Variants in TMSB10 observed in about 807,000 individuals in gnomAD.
TMSB10 encodes thymosin beta 10.
Under a neutral mutation model 4.5 loss-of-function variants are expected in TMSB10, and 4 were observed. The observed-to-expected ratio is 0.89, with a 90% confidence interval of 0.44 to 2.03. TMSB10 has a LOEUF of 2.03. TMSB10 is among the 30% of genes most tolerant of loss of function. The pLI is 0.03. For missense variants in TMSB10, 44 were observed against 53.9 expected (o/e 0.82, Z 0.57); for synonymous variants, 17 against 20.3 (o/e 0.84, Z 0.44).
chr2:84,905,912 C>A, intron 1 of TMSB10, 91 bp from the exon 2 acceptor site: 3 of 1,080,258 alleles, frequency 2.8e-6, no homozygotes, highest in East Asian at 2.5e-5. Context: ...CACGCCTTGG[C>A]GCGAGTGCCA....
chr2:84,906,576 C>G lies in TMSB10; in HGVS notation c.*153C>G. 1 of 703,430 alleles carries G rather than the reference C, an allele frequency of 1.4e-6. No homozygotes were observed. The highest frequency in any genetic ancestry group is 2.1e-6 in the Non-Finnish European group (1 of 479,340). 43.6% of individuals were successfully genotyped at this position (703,430 alleles called of 1,614,324 possible). On this transcript the variant is annotated 3_prime_UTR_variant, in exon 3 of 3. Coordinates refer to ENST00000233143, the MANE Select transcript of TMSB10 (RefSeq NM_021103.4). ...CCGGCCTGTGGGTCTCTGAAGGGAC[C>G]CCCCCCCAATCGGACTGCCAAATTC...
At position 84,906,618 on chromosome 2, in the gene TMSB10, A is replaced by T. The variant is rs1035130848; in HGVS notation, c.*195A>T. On this transcript the variant is annotated 3_prime_UTR_variant, in exon 3 of 3. Coordinates refer to ENST00000233143, the MANE Select transcript of TMSB10 (RefSeq NM_021103.4). Reference sequence around the variant, plus strand: ...GCCAAATTCTCCGGTTTGCCCCGGGATATTATAGAAAATTATTTGTATGAA... The same window carrying T: ...GCCAAATTCTCCGGTTTGCCCCGGGTTATTATAGAAAATTATTTGTATGAA... 8 of 500,596 alleles carry T rather than the reference A, an allele frequency of 1.6e-5. No homozygotes were observed. Among genetic ancestry groups the T allele is most frequent in the Admixed American group, 1.6e-4 (4 of 25,582 alleles). 31.0% of individuals were successfully genotyped at this position (500,596 alleles called of 1,614,324 possible). A position where few individuals can be genotyped will look rare whatever the true frequency, so the allele number is the denominator to read the frequency against.
intron 2 of TMSB10, 88 bp downstream of exon 2, chr2:84,906,205 G>C: frequency 6.8e-7 from 1 of 1,474,992 alleles, no homozygotes; most frequent in Non-Finnish European, 9.2e-7. Flanking sequence ...CCACCCCGCC[G>C]TTGTCCCCGG....
rs1220350424 is a variant in TMSB10 at position 84,906,400 on chromosome 2, G to T, written c.112G>T (p.Glu38Ter). ...TLPTKETIEQEKRSEIS is the reference protein window; with the variant it reads ...TLPTKETIEQ ...CCCGCTCTCCACAGCCATTGAGCAG[G>T]AGAAGCGGAGTGAAATTTCCTAAGA... The change falls in exon 3 of 3, where the codon GAG (glutamate) becomes TAG (stop). Residue 38 changes from glutamate (E) to a stop codon, truncating the protein, a stop_gained. Coordinates refer to ENST00000233143, the MANE Select transcript of TMSB10 (RefSeq NM_021103.4). LOFTEE classifies it high-confidence loss of function. 6.2e-7 allele frequency: 1 copy of T among 1,605,924 alleles called. No individual in the cohort carries two copies.
At position 84,905,925 on chromosome 2, in the gene TMSB10, T is replaced by A. The variant is rs933558870; in HGVS notation, c.-15-78T>A. 3.2e-6 allele frequency: 4 copies of A among 1,240,134 alleles called. No homozygotes were observed. In the South Asian group the frequency reaches 4.0e-5, roughly 12 times the overall value. 76.8% of individuals were successfully genotyped at this position (1,240,134 alleles called of 1,614,324 possible). On this transcript the variant is annotated intron_variant, in intron 1 of 2. Transcript: ENST00000233143. ...GGCACGCCTTGGCGCGAGTGCCACG[T>A]CGAGAGGCGTCGGCGGGGAGCGCGG...
chr2:84,905,926 C>T, intron 1 of TMSB10, 77 bp from the exon 2 acceptor site: 1 of 1,251,310 alleles, frequency 8.0e-7, no homozygotes, highest in Non-Finnish European at 1.1e-6. Context: ...AGTGCCACGT[C>T]GAGAGGCGTC....
chr2:84,905,975 A>C (rs1203325178), intron 1 of TMSB10, 28 bp from the exon 2 acceptor site: 2 of 1,588,686 alleles, frequency 1.3e-6, no homozygotes, highest in African/African-American at 1.3e-5. Context: ...CCCCAGGCCC[A>C]GGTCAAGCGC....
intron 1 of TMSB10, 122 bp downstream of exon 1, chr2:84,905,840 G>A (rs1243934333): frequency 1.4e-5 from 7 of 499,572 alleles, no homozygotes; most frequent in Non-Finnish European, 2.4e-5. Context: ...CGGCGACCAC[G>A]CCCTGGGACC....
rs542288958 is a variant in TMSB10 at position 84,906,195 on chromosome 2, C to G, written c.100+78C>G. ...CCTTGCAAACCCACTCCTCCACCCC[C>G]CACCCCGCCGTTGTCCCCGGTGTGG... is the stretch of plus-strand genomic sequence containing the variant. On this transcript the variant is annotated intron_variant, in intron 2 of 2. Coordinates refer to ENST00000233143, the MANE Select transcript of TMSB10 (RefSeq NM_021103.4). 2.6e-5 allele frequency: 38 copies of G among 1,479,436 alleles called. No individual in the cohort carries two copies. The South Asian group carries it at 4.7e-4, about 18-fold the overall frequency. 91.6% of individuals were successfully genotyped at this position (1,479,436 alleles called of 1,614,324 possible).
intron 1 of TMSB10, 100 bp downstream of exon 1, chr2:84,905,818 G>C (rs1185893160): frequency 4.5e-6 from 2 of 446,396 alleles, no homozygotes; most frequent in African/African-American, 4.2e-5. Context: ...TTCTCGGACC[G>C]GACGCAGGGG....
intron 1 of TMSB10, 31 bp from the exon 2 acceptor site, chr2:84,905,972 C>A: frequency 1.9e-6 from 3 of 1,579,434 alleles, no homozygotes; most frequent in Admixed American, 1.7e-5. Flanking sequence ...GGCCCCCAGG[C>A]CCAGGTCAAG....
chr2:84,906,629 A>G lies in TMSB10; in HGVS notation c.*206A>G, dbSNP rs1342926068. On this transcript the variant is annotated 3_prime_UTR_variant, in exon 3 of 3. Transcript: ENST00000233143. ...CGGTTTGCCCCGGGATATTATAGAA[A>G]ATTATTTGTATGAATAATGAAAATA... The G allele has an allele frequency of 8.3e-6, 4 of 480,332 alleles. No individual in the cohort carries two copies. The highest frequency in any genetic ancestry group is 1.4e-5 in the Non-Finnish European group (4 of 277,490). 29.8% of individuals were successfully genotyped at this position (480,332 alleles called of 1,614,324 possible).
At chr2:84,905,927 G>A in intron 1 of TMSB10, 76 bp from the exon 2 acceptor site, 1 of 1,267,690 alleles carries the variant, frequency 7.9e-7, no homozygotes, top group Non-Finnish European at 1.1e-6. Context: ...GTGCCACGTC[G>A]AGAGGCGTCG....
chr2:84,905,761 C>T (rs1462603385), intron 1 of TMSB10, 43 bp downstream of exon 1: 2 of 362,304 alleles, frequency 5.5e-6, no homozygotes, highest in Non-Finnish European at 1.0e-5. Flanking sequence ...AGGGTGTGGT[C>T]GGATCCGGTG....
chr2:84,906,291 CCCCACACCTCGTGGGTGCCTCG>C (rs1223981073), intron 2 of TMSB10, 76 bp from the exon 3 acceptor site: 18 of 1,479,496 alleles, frequency 1.2e-5, no homozygotes, highest in Non-Finnish European at 1.5e-5. Flanking sequence ...CCTTCTAAAT[CCCCACACCTCGTGGGTGCCTCG>C]CCCACACCGG....
Position 84,906,379 on chromosome 2 carries a change from C to T in TMSB10, c.101-10C>T. ...GCTCCCCTCCAGCGCCCGCTTCCCGCTCTCCACAGCCATTGAGCAGGAGAA... is the reference window on the plus strand; with the variant it reads ...GCTCCCCTCCAGCGCCCGCTTCCCGTTCTCCACAGCCATTGAGCAGGAGAA... On this transcript the variant is annotated splice_polypyrimidine_tract_variant and intron_variant, in intron 2 of 2. Transcript: ENST00000233143. 6.3e-7 allele frequency: 1 copy of T among 1,598,546 alleles called. No homozygotes were observed. Among genetic ancestry groups the T allele is most frequent in the Non-Finnish European group, 8.5e-7 (1 of 1,172,692 alleles).
chr2:84,906,179 C>T, intron 2 of TMSB10, 62 bp downstream of exon 2: 3 of 1,528,300 alleles, frequency 2.0e-6, no homozygotes, highest in Non-Finnish European at 1.8e-6. Flanking sequence ...TCCTTGCAAA[C>T]CCACTCCTCC....
chr2:84,906,167 C>T, intron 2 of TMSB10, 50 bp downstream of exon 2: 1 of 1,576,544 alleles, frequency 6.3e-7, no homozygotes, highest in South Asian at 1.1e-5. Flanking sequence ...TCACCCTGCT[C>T]TTCCTTGCAA....
intron 2 of TMSB10, 25 bp from the exon 3 acceptor site, chr2:84,906,364 A>C: frequency 6.3e-7 from 1 of 1,589,234 alleles, no homozygotes; most frequent in Non-Finnish European, 8.6e-7. Flanking sequence ...GCTCCCCTCC[A>C]GCGCCCGCTT....
Sources: allele counts gnomAD v4.1 joint callset, GRCh38; gene constraint gnomAD v4.1.1; transcripts MANE v1.5; gene names NCBI Gene and HGNC (gene_info 2026-07-23, HGNC 2026-07-21).